CNTNAP2: variants seen among roughly 807,000 people sequenced by gnomAD.
CNTNAP2 encodes contactin associated protein 2, also known as contactin-associated protein-like 2.
Under a neutral mutation model 155.2 loss-of-function variants are expected in CNTNAP2, and 98 were observed. That is an observed-to-expected ratio of 0.63 (90% CI 0.54 to 0.75). CNTNAP2 has a LOEUF of 0.75. CNTNAP2 is among the 30% of genes least tolerant of loss of function. The pLI is 0.00. For missense variants in CNTNAP2, 1,727 were observed against 1,688.1 expected (o/e 1.02, Z -0.40); for synonymous variants, 651 against 631.2 (o/e 1.03, Z -0.47).
At position 147,632,226 on chromosome 7, in the gene CNTNAP2, T is replaced by A. The variant is rs567475398; in HGVS notation, c.1898-6880T>A. Among the ~76,000 whole-genome samples the A allele has an allele frequency of 1.5e-3, 225 of 152,242 alleles. 1 individual carries two copies. Among genetic ancestry groups the A allele is most frequent in the African/African-American group, 5.2e-3 (215 of 41,550 alleles). ...AATGGACAACAAACATATGAAAACA[T>A]GCCCAATGTCACTAATTATCAGGGA... On this transcript the variant is annotated intron_variant, in intron 12 of 23. Coordinates refer to ENST00000361727, the MANE Select transcript of CNTNAP2 (RefSeq NM_014141.6).
intron 3 of CNTNAP2, among the ~76,000 whole-genome samples, chr7:146,871,266 C>T (rs1302461315): frequency 6.6e-6 from 1 of 152,096 alleles, no homozygotes; most frequent in Non-Finnish European, 1.5e-5. Context: ...TGTGGTGGCT[C>T]ACGCCTGTAA....
intron 1 of CNTNAP2, among the ~76,000 whole-genome samples, chr7:146,160,050 A>C (rs1188936796): frequency 6.6e-6 from 1 of 152,182 alleles, no homozygotes; most frequent in East Asian, 1.9e-4. Flanking sequence ...ACTCCAAACT[A>C]AACAACTACG....
At chr7:146,821,988 T>C (rs1294804308) in intron 2 of CNTNAP2, among the ~76,000 whole-genome samples, 3 of 151,792 alleles carry the variant, frequency 2.0e-5, no homozygotes, top group African/African-American at 4.8e-5. Flanking sequence ...ACCCAAAGGA[T>C]TATAAATCAT....
chr7:147,565,103 G>A (rs1800143440), intron 12 of CNTNAP2, among the ~76,000 whole-genome samples: 1 of 152,150 alleles, frequency 6.6e-6, no homozygotes, highest in Admixed American at 6.5e-5. Flanking sequence ...GTCTTGATAT[G>A]TAACTCTATG....
intron 3 of CNTNAP2, among the ~76,000 whole-genome samples, chr7:146,947,339 A>G (rs1797197661): frequency 6.7e-6 from 1 of 149,910 alleles, no homozygotes; most frequent in Admixed American, 6.7e-5. Context: ...AATTTTTAAG[A>G]TAATTGACAG....
At position 147,986,242 on chromosome 7, in the gene CNTNAP2, T is replaced by A. The variant is rs559688637; in HGVS notation, c.2383+8253T>A. ...GCCCTGGCCATTAATTATAATACATTCGATTTACTTGGGTTTGGTCTTCAG... is the reference window on the plus strand; with the variant it reads ...GCCCTGGCCATTAATTATAATACATACGATTTACTTGGGTTTGGTCTTCAG... On this transcript the variant is annotated intron_variant, in intron 15 of 23. Coordinates refer to ENST00000361727, the MANE Select transcript of CNTNAP2 (RefSeq NM_014141.6). 3.9e-5 allele frequency among the ~76,000 whole-genome samples: 6 copies of A among 152,284 alleles called. No individual in the cohort carries two copies. The South Asian group carries it at 1.2e-3, about 32-fold the overall frequency.
At chr7:146,323,842 T>TATG (rs1801048765) in intron 1 of CNTNAP2, among the ~76,000 whole-genome samples, 1 of 152,162 alleles carries the variant, frequency 6.6e-6, no homozygotes, top group Admixed American at 6.5e-5. Context: ...AATAAATGCA[T>TATG]CATTTATTAA....
chr7:146,399,153 G>C (rs1003750923), intron 1 of CNTNAP2, among the ~76,000 whole-genome samples: 1 of 152,018 alleles, frequency 6.6e-6, no homozygotes, highest in African/African-American at 2.4e-5. Flanking sequence ...AAAGCTAATT[G>C]TCATATGCAT....
intron 1 of CNTNAP2, among the ~76,000 whole-genome samples, chr7:146,157,715 G>A (rs948026795): frequency 8.3e-4 from 126 of 152,328 alleles, no homozygotes; most frequent in African/African-American, 2.8e-3. Context: ...TGAGGCTTGA[G>A]TAGGTAAACA....
At chr7:147,159,985 C>T (rs1343243897) in intron 8 of CNTNAP2, among the ~76,000 whole-genome samples, 1 of 151,736 alleles carries the variant, frequency 6.6e-6, no homozygotes, top group East Asian at 1.9e-4. Flanking sequence ...ATAAATTATC[C>T]AATGGTTTTG....
rs74967680 is a variant in CNTNAP2 at position 148,280,527 on chromosome 7, A to G, written c.3475+13401A>G. ...ACTCCTGATTTGCAAAATGTCTCCAATGGGGAAACTGGGCAAAATACACAG... is the reference window on the plus strand; with the variant it reads ...ACTCCTGATTTGCAAAATGTCTCCAGTGGGGAAACTGGGCAAAATACACAG... On this transcript the variant is annotated intron_variant, in intron 21 of 23. Coordinates refer to ENST00000361727, the MANE Select transcript of CNTNAP2 (RefSeq NM_014141.6). 3.8e-3 allele frequency among the ~76,000 whole-genome samples: 582 copies of G among 152,318 alleles called. 11 individuals are homozygous for G. The highest frequency in any genetic ancestry group is 0.013 in the African/African-American group (552 of 41,568).
At chr7:147,729,556 T>G (rs1796705111) in intron 13 of CNTNAP2, among the ~76,000 whole-genome samples, 1 of 92,092 alleles carries the variant, frequency 1.1e-5, no homozygotes, top group Non-Finnish European at 2.9e-5. Flanking sequence ...GGTATTTGCT[T>G]TGAGGCAAAA....
chr7:147,496,830 TCTTA>T (rs1248314235), intron 11 of CNTNAP2: 2 of 151,836 alleles, frequency 1.3e-5, no homozygotes. Context: ...TAAACAGAAC[TCTTA>T]CTTCATCCAT....
In CNTNAP2 at chr7:148,002,432, CACA is replaced by C. The variant is rs752121403; in HGVS notation, c.2383+24447_2383+24449del. Among the ~76,000 whole-genome samples the C allele has an allele frequency of 7.9e-5, 12 of 152,128 alleles. No individual in the cohort carries two copies. In the East Asian group the frequency reaches 1.4e-3, roughly 17 times the overall value. On this transcript the variant is annotated intron_variant, in intron 15 of 23. Transcript: ENST00000361727. ...AAAAAAATGCGCACTTTTATATAAA[CACA>C]ACATTTTTCATATAATTTTAAAGAG...
intron 15 of CNTNAP2, among the ~76,000 whole-genome samples, chr7:148,022,792 C>A (rs1802308181): frequency 1.3e-5 from 2 of 152,084 alleles, no homozygotes; most frequent in African/African-American, 4.8e-5. Flanking sequence ...TCTGCAGTTT[C>A]TCTTGTAGCC....
chr7:147,133,375 A>G (rs1801415321), intron 8 of CNTNAP2, among the ~76,000 whole-genome samples: 1 of 152,074 alleles, frequency 6.6e-6, no homozygotes, highest in African/African-American at 2.4e-5. Context: ...CTGAACACTT[A>G]GTACAGATGT....
chr7:147,465,813 T>G (rs996642773), intron 10 of CNTNAP2, among the ~76,000 whole-genome samples: 5 of 152,214 alleles, frequency 3.3e-5, no homozygotes. Context: ...TCTTCCCTGG[T>G]GCAGTTCTTC....
At chr7:146,821,167 T>C (rs187762443) in intron 2 of CNTNAP2, among the ~76,000 whole-genome samples, 218 of 152,264 alleles carry the variant, frequency 1.4e-3, no homozygotes, top group Admixed American at 0.012. Context: ...CATTTACATT[T>C]AAAGTTAATA....
intron 15 of CNTNAP2, among the ~76,000 whole-genome samples, chr7:148,022,959 AAATAT>A (rs1257108596): frequency 2.0e-5 from 3 of 152,136 alleles, no homozygotes; most frequent in African/African-American, 7.2e-5. Flanking sequence ...CAGCACCGTT[AAATAT>A]CTCATCGGCA....
Sources: allele counts gnomAD v4.1 joint callset (sites outside exome capture counted in the v4.1 genomes callset), GRCh38; gene constraint gnomAD v4.1.1; transcripts MANE v1.5; gene names NCBI Gene and HGNC (gene_info 2026-07-23, HGNC 2026-07-21).